The following XKR4 variants were observed in gnomAD, a reference collection of about 807,000 sequenced individuals.
The protein encoded by XKR4 is XK related 4.
In XKR4, 12 loss-of-function variants were observed where a neutral mutation model predicts 53.9. The observed-to-expected ratio is 0.22, with a 90% CI of 0.14 to 0.36. The LOEUF (loss-of-function observed/expected upper bound fraction) is 0.36. XKR4 is among the 10% of genes least tolerant of loss of function. The pLI, the probability that XKR4 is intolerant of heterozygous loss-of-function variation, is 1.00. For missense variants in XKR4, 799 were observed against 859.5 expected (o/e 0.93, Z 0.88); for synonymous variants, 354 against 362.4 (o/e 0.98, Z 0.26).
At chr8:55,257,321 A>C (rs1026340694) in intron 1 of XKR4, among the ~76,000 whole-genome samples, 2 of 152,196 alleles carry the variant, frequency 1.3e-5, no homozygotes, top group South Asian at 2.1e-4. Flanking sequence ...ATATATCCAC[A>C]GTTGAAAATT....
chr8:55,234,217 C>A (rs1358132258), intron 1 of XKR4, among the ~76,000 whole-genome samples: 1 of 152,202 alleles, frequency 6.6e-6, no homozygotes, highest in African/African-American at 2.4e-5. Context: ...TACTGTCAGC[C>A]TTATACCCAC....
chr8:55,141,643 G>GTTT (rs1816702697), intron 1 of XKR4, among the ~76,000 whole-genome samples: 1 of 45,758 alleles, frequency 2.2e-5, no homozygotes, highest in Admixed American at 2.4e-4. Flanking sequence ...TGGTGCTTCT[G>GTTT]CTTCTCTCTC....
intron 2 of XKR4, among the ~76,000 whole-genome samples, chr8:55,497,224 C>T (rs893284920): frequency 1.3e-5 from 2 of 152,162 alleles, no homozygotes; most frequent in Non-Finnish European, 2.9e-5. Context: ...AAACTCAACA[C>T]TAAAAGTCAA....
intron 2 of XKR4, among the ~76,000 whole-genome samples, chr8:55,391,016 T>C (rs1259660100): frequency 6.6e-6 from 1 of 152,216 alleles, no homozygotes; most frequent in Non-Finnish European, 1.5e-5. Flanking sequence ...CATTCTCTGC[T>C]GACATATGAA....
At chr8:55,454,223 G>A in intron 2 of XKR4, 1 of 1,099,444 alleles carries the variant, frequency 9.1e-7, no homozygotes. Context: ...CACACACTCA[G>A]GGATGGTCAC....
chr8:55,469,673 A>G (rs1179122330), intron 2 of XKR4, among the ~76,000 whole-genome samples: 1 of 152,168 alleles, frequency 6.6e-6, no homozygotes, highest in Non-Finnish European at 1.5e-5. Flanking sequence ...GACAATGAGG[A>G]TAGAGTGTGT....
chr8:55,207,613 T>C (rs924577424), intron 1 of XKR4, among the ~76,000 whole-genome samples: 9 of 152,080 alleles, frequency 5.9e-5, no homozygotes, highest in African/African-American at 1.9e-4. Flanking sequence ...TGTCACACCT[T>C]ATACACACAC....
At chr8:55,141,671 C>CTCTCTCTCTCTCTCTCTG (rs748708972) in intron 1 of XKR4, among the ~76,000 whole-genome samples, 2,407 of 134,894 alleles carry the variant, frequency 0.018, 69 homozygotes, top group East Asian at 0.038. Context: ...CTCTCTCTCT[C>CTCTCTCTCTCTCTCTCTG]TGTGTGTGTG....
chr8:55,170,594 A>C (rs1224000891), intron 1 of XKR4, among the ~76,000 whole-genome samples: 1 of 152,202 alleles, frequency 6.6e-6, no homozygotes, highest in East Asian at 1.9e-4. Flanking sequence ...TAGGGCTTTA[A>C]GTCCCTAAAT....
chr8:55,261,353 A>G (rs1320764983), intron 1 of XKR4, among the ~76,000 whole-genome samples: 1 of 152,236 alleles, frequency 6.6e-6, no homozygotes, highest in Admixed American at 6.5e-5. Flanking sequence ...AACTAGCTCT[A>G]ACATTCTGTG....
intron 1 of XKR4, among the ~76,000 whole-genome samples, chr8:55,355,514 C>T (rs1563331378): frequency 1.3e-5 from 2 of 152,166 alleles, no homozygotes; most frequent in South Asian, 2.1e-4. Context: ...AATGAAGATA[C>T]ATATCACATT....
At chr8:55,351,701 C>T (rs1339169662) in intron 1 of XKR4, among the ~76,000 whole-genome samples, 1 of 152,236 alleles carries the variant, frequency 6.6e-6, no homozygotes, top group Non-Finnish European at 1.5e-5. Context: ...CATCTTCACA[C>T]AGCCAACATC....
intron 2 of XKR4, among the ~76,000 whole-genome samples, chr8:55,404,787 C>T (rs2129390374): frequency 6.6e-6 from 1 of 152,260 alleles, no homozygotes; most frequent in East Asian, 1.9e-4. Context: ...AAATAGATAT[C>T]TAGGGGCCAG....
chr8:55,481,768 T>G (rs528356633), intron 2 of XKR4, among the ~76,000 whole-genome samples: 1 of 152,056 alleles, frequency 6.6e-6, no homozygotes, highest in Non-Finnish European at 1.5e-5. Flanking sequence ...AAGAAGACAT[T>G]TATGCAGCCA....
chr8:55,331,123 C>A (rs1268555073), intron 1 of XKR4, among the ~76,000 whole-genome samples: 2 of 152,144 alleles, frequency 1.3e-5, no homozygotes, highest in Non-Finnish European at 2.9e-5. Context: ...CCATAACTCC[C>A]CATTGCCTCC....
intron 2 of XKR4, among the ~76,000 whole-genome samples, chr8:55,465,196 A>G (rs1195646285): frequency 6.6e-6 from 1 of 152,204 alleles, no homozygotes; most frequent in Non-Finnish European, 1.5e-5. Context: ...CTAAGCCAAA[A>G]GAACAAAGCT....
intron 1 of XKR4, among the ~76,000 whole-genome samples, chr8:55,287,471 T>C (rs1217027735): frequency 6.6e-6 from 1 of 152,220 alleles, no homozygotes; most frequent in Non-Finnish European, 1.5e-5. Flanking sequence ...TCCAAGATGT[T>C]TCAGCTTCTC....
intron 2 of XKR4, among the ~76,000 whole-genome samples, chr8:55,500,181 C>CA (rs36233927): frequency 0.031 from 3,490 of 113,746 alleles, 30 homozygotes; most frequent in African/African-American, 0.068. Flanking sequence ...CAAATTGGGC[C>CA]AAAAAAAAAA....
At chr8:55,289,540 A>AGAAGGAAGGAAGGAAGGAAG (rs142907908) in intron 1 of XKR4, among the ~76,000 whole-genome samples, 1 of 102,632 alleles carries the variant, frequency 9.7e-6, no homozygotes, top group African/African-American at 4.2e-5. Context: ...AAAGAAAGAA[A>AGAAGGAAGGAAGGAAGGAAG]GAAGGAAGGA....
Sources: gnomAD v4.1 joint callset for allele counts (sites outside exome capture counted in the v4.1 genomes callset) on GRCh38, gnomAD v4.1.1 for gene constraint, MANE v1.5 for transcripts, NCBI Gene and HGNC (gene_info 2026-07-23, HGNC 2026-07-21) for gene names.